VPS13A: variants seen among roughly 807,000 people sequenced by gnomAD.
VPS13A encodes intermembrane lipid transfer protein VPS13A.
Under a neutral mutation model 390.9 loss-of-function variants are expected in VPS13A, and 264 were observed. The ratio of observed to expected loss-of-function variants is 0.68; its 90% CI spans 0.61 to 0.75. VPS13A has a LOEUF of 0.75. Among genes scored for constraint, VPS13A ranks in the 30% least tolerant of loss-of-function variants. The pLI is 0.00. For missense variants in VPS13A, 3,409 were observed against 3,733.9 expected, an observed-to-expected ratio of 0.91 and a Z score of 2.27; for synonymous variants, 1,231 against 1,227.1, an observed-to-expected ratio of 1.00 and a Z score of -0.07.
At chr9:77,278,861 T>C (rs1270018701) in intron 26 of VPS13A, among the ~76,000 whole-genome samples, 1 of 152,216 alleles carries the variant, frequency 6.6e-6, no homozygotes, top group African/African-American at 2.4e-5. Flanking sequence ...AGCAGTAATA[T>C]TAAAATGGGA....
At position 77,220,777 on chromosome 9, in the gene VPS13A, G is replaced by A. The variant is rs73466007; in HGVS notation, c.989+394G>A. 8.1e-3 allele frequency among the ~76,000 whole-genome samples: 1,229 copies of A among 152,026 alleles called. 18 individuals are homozygous for A. The highest frequency in any genetic ancestry group is 0.028 in the African/African-American group (1,144 of 41,516). On this transcript the variant is annotated intron_variant, in intron 12 of 71. Transcript: ENST00000360280. Reference sequence around the variant, plus strand: ...GTATTTTAAAAGCTAAAAATGTTACGGAGTCTATGCAGGATAATCCCATTT... The same window carrying A: ...GTATTTTAAAAGCTAAAAATGTTACAGAGTCTATGCAGGATAATCCCATTT...
chr9:77,252,212 T>C, intron 21 of VPS13A, 23 bp from the exon 22 acceptor site: 1 of 1,546,884 alleles, frequency 6.5e-7, no homozygotes, highest in Non-Finnish European at 8.9e-7. Flanking sequence ...TTACGTTAAA[T>C]ATGAACTATT....
intron 55 of VPS13A, 44 bp downstream of exon 55, chr9:77,356,911 G>C (rs1320545784): frequency 6.2e-7 from 1 of 1,605,736 alleles, no homozygotes; most frequent in South Asian, 1.1e-5. Context: ...TTTTTTGCCT[G>C]TCGTAGTTTG....
Position 77,371,011 on chromosome 9 carries a change from CT to C in VPS13A, c.8954-9del, listed in dbSNP as rs761096914. Reference sequence around the variant, plus strand: ...TTCTTGGATGCAATTGTCAAAAACTCTTTTTTCTTTCCAGGAGCTCAAAAAG... The same window carrying C: ...TTCTTGGATGCAATTGTCAAAAACTCTTTTTCTTTCCAGGAGCTCAAAAAG... On this transcript the variant is annotated splice_polypyrimidine_tract_variant and intron_variant, in intron 66 of 71. Transcript: ENST00000360280. 1.9e-6 allele frequency: 3 copies of C among 1,613,926 alleles called. No homozygotes were observed. Among genetic ancestry groups the C allele is most frequent in the African/African-American group, 2.7e-5 (2 of 74,908 alleles).
chr9:77,380,709 G>A (rs1425181756), intron 67 of VPS13A, among the ~76,000 whole-genome samples: 1 of 152,186 alleles, frequency 6.6e-6, no homozygotes, highest in Non-Finnish European at 1.5e-5. Context: ...TCAAGGTCTG[G>A]TTTCATGGAA....
Position 77,420,940 on chromosome 9 carries a change from A to G in VPS13A, c.*4934A>G, listed in dbSNP as rs918229058. 6.6e-6 allele frequency: 1 copy of G among 152,248 alleles called. No individual in the cohort carries two copies. The highest frequency in any genetic ancestry group is 1.5e-5 in the Non-Finnish European group (1 of 68,042). The allele number at this position is 152,248 out of a possible 1,614,324, so 9.4% of individuals were successfully genotyped here. On this transcript the variant is annotated 3_prime_UTR_variant, in exon 72 of 72. Transcript: ENST00000360280. ...TTACACTGAAATATTTTCAGTATCA[A>G]TGATTTAATATCCACACAAACTATT...
rs1290271608 is a variant in VPS13A at position 77,214,387 on chromosome 9, G to A, written c.754+1G>A. The A allele has an allele frequency of 1.2e-6, 2 of 1,610,640 alleles. No individual in the cohort carries two copies. Among genetic ancestry groups the A allele is most frequent in the Admixed American group, 3.3e-5 (2 of 59,976 alleles). The stretch of plus-strand genomic sequence containing the variant: ...ATTGTTCCAGAAGGTTATGATTTTG[G>A]TAAGTACATTTTATAAGATAAAAAA... On this transcript the variant is annotated splice_donor_variant, in intron 10 of 71. Coordinates refer to ENST00000360280, the MANE Select transcript of VPS13A (RefSeq NM_033305.3). LOFTEE classifies it high-confidence loss of function.
intron 14 of VPS13A, 21 bp downstream of exon 14, chr9:77,226,009 T>G: frequency 6.3e-7 from 1 of 1,586,292 alleles, no homozygotes; most frequent in Middle Eastern, 1.7e-4. Context: ...GCTTTTCAAT[T>G]AGTAAAAATA....
chr9:77,258,909 G>A (rs909645827), intron 22 of VPS13A, among the ~76,000 whole-genome samples: 4 of 152,162 alleles, frequency 2.6e-5, no homozygotes, highest in Admixed American at 6.5e-5. Flanking sequence ...ATTTCTCTGA[G>A]GGAAGAAAAG....
intron 45 of VPS13A, 36 bp from the exon 46 acceptor site, chr9:77,331,974 T>A (rs1830297811): frequency 1.4e-6 from 2 of 1,409,668 alleles, no homozygotes; most frequent in African/African-American, 2.8e-5. Flanking sequence ...ATTCTTAGAT[T>A]AATGATACTA....
chr9:77,395,795 T>G (rs1417087803), intron 68 of VPS13A: 1 of 152,174 alleles, frequency 6.6e-6, no homozygotes, highest in Non-Finnish European at 1.5e-5. Flanking sequence ...ATCTATTCTA[T>G]TTAAGAGTAG....
chr9:77,240,018 T>C (rs913213239), intron 19 of VPS13A, among the ~76,000 whole-genome samples: 4 of 152,116 alleles, frequency 2.6e-5, no homozygotes, highest in African/African-American at 7.2e-5. Flanking sequence ...AAAAATACTT[T>C]ATTGTACTGT....
chr9:77,353,436 G>A lies in VPS13A; in HGVS notation c.7447G>A (p.Glu2483Lys), dbSNP rs777838867. The part of the protein sequence containing the change: ...DDMMMPIDLG[E>K]KTIYLVSFFE... ...TATGATGATGCCTATAGATTTGGGG[G>A]AAAAGACAATATATTTAGTTTCATT... Residue 2483 changes from glutamate to lysine, a missense_variant, in exon 54 of 72, where the codon GAA (glutamate) becomes AAA (lysine). Physicochemically the swap from Glu to Lys is moderately conservative, Grantham distance 56. This residue lies in a region of VPS13A where 2,717 missense variants were observed against 2,917.4 expected (regional missense o/e 0.93). Transcript: ENST00000360280. 2 of 1,611,026 alleles carry A rather than the reference G, an allele frequency of 1.2e-6. No individual in the cohort carries two copies. The highest frequency in any genetic ancestry group is 4.5e-5 in the East Asian group (2 of 44,740).
intron 65 of VPS13A, 127 bp downstream of exon 65, chr9:77,370,705 G>T: frequency 7.0e-7 from 1 of 1,438,510 alleles, no homozygotes; most frequent in Non-Finnish European, 9.6e-7. Context: ...AAGAGCAGTG[G>T]GTGGTAGCAT....
intron 52 of VPS13A, among the ~76,000 whole-genome samples, chr9:77,346,750 C>G (rs117505204): frequency 1.1e-4 from 17 of 152,146 alleles, no homozygotes; most frequent in Non-Finnish European, 2.5e-4. Flanking sequence ...GGCTTGCCCA[C>G]GATCCCAGTA....
chr9:77,329,778 A>G (rs1398594678), intron 45 of VPS13A, among the ~76,000 whole-genome samples: 1 of 152,222 alleles, frequency 6.6e-6, no homozygotes, highest in African/African-American at 2.4e-5. Flanking sequence ...TTATAAAACA[A>G]GGTATGTGTA....
intron 57 of VPS13A, 64 bp downstream of exon 57, chr9:77,358,502 T>TA: frequency 7.3e-7 from 1 of 1,363,612 alleles, no homozygotes; most frequent in South Asian, 1.2e-5. Context: ...TACTTTACTA[T>TA]AAAAATATGA....
chr9:77,410,702 A>G (rs1335632370), intron 71 of VPS13A, among the ~76,000 whole-genome samples: 2 of 152,196 alleles, frequency 1.3e-5, no homozygotes, highest in South Asian at 2.1e-4. Flanking sequence ...AAAGAAGGCC[A>G]TTACATAATG....
In VPS13A at chr9:77,411,399, C is replaced by A. The variant is rs1207360912; in HGVS notation, c.9474+3792C>A. Among the ~76,000 whole-genome samples, 3 of 152,128 alleles carry A rather than the reference C, an allele frequency of 2.0e-5. No homozygotes were observed. In the East Asian group the frequency reaches 5.8e-4, roughly 29 times the overall value. On this transcript the variant is annotated intron_variant, in intron 71 of 71. Coordinates refer to ENST00000360280, the MANE Select transcript of VPS13A (RefSeq NM_033305.3). ...AAGAACTAGGCCGGGCACAGTGGCT[C>A]ACGCCTGTAATCCCAGCACTTTGGG...
Sources: allele counts gnomAD v4.1 joint callset (sites outside exome capture counted in the v4.1 genomes callset), GRCh38; gene constraint gnomAD v4.1.1; regional missense constraint gnomAD v4.1.1; transcripts MANE v1.5; gene names NCBI Gene and HGNC (gene_info 2026-07-23, HGNC 2026-07-21).